Variants in THSD7A observed in about 807,000 individuals in gnomAD.
The protein encoded by THSD7A is thrombospondin type 1 domain containing 7A.
In THSD7A, 96 loss-of-function variants were observed where a neutral mutation model predicts 231.3. That is an observed-to-expected ratio of 0.41 (90% CI 0.35 to 0.49). The LOEUF is 0.49. THSD7A is among the 20% of genes least tolerant of loss of function. THSD7A has a pLI of 0.05. For synonymous variants in THSD7A, 940 were observed against 743.3 expected (o/e 1.26, Z -4.30); for missense variants, 2,290 against 2,070.2 (o/e 1.11, Z -2.06).
intron 23 of THSD7A, among the ~76,000 whole-genome samples, chr7:11,399,163 G>C (rs1783304192): frequency 6.6e-6 from 1 of 152,096 alleles, no homozygotes; most frequent in Admixed American, 6.6e-5. Flanking sequence ...CATAATTAAA[G>C]CCATTTAAAT....
intron 6 of THSD7A, among the ~76,000 whole-genome samples, chr7:11,515,522 TATATA>T (rs1176816008): frequency 3.9e-5 from 6 of 152,286 alleles, no homozygotes; most frequent in Admixed American, 3.3e-4. Flanking sequence ...ATGATCTATT[TATATA>T]ATATAAAAAT....
intron 13 of THSD7A, among the ~76,000 whole-genome samples, chr7:11,440,052 T>G (rs1015610266): frequency 6.6e-6 from 1 of 151,996 alleles, no homozygotes; most frequent in Non-Finnish European, 1.5e-5. Flanking sequence ...AGTTGGTGAC[T>G]TTAAGTTGAA....
At chr7:11,661,631 A>C (rs1413980947) in intron 1 of THSD7A, among the ~76,000 whole-genome samples, 1 of 151,310 alleles carries the variant, frequency 6.6e-6, no homozygotes, top group Non-Finnish European at 1.5e-5. Flanking sequence ...AAAAATATAC[A>C]GAATGATACA....
At chr7:11,575,907 T>A (rs1790880212) in intron 4 of THSD7A, among the ~76,000 whole-genome samples, 1 of 152,164 alleles carries the variant, frequency 6.6e-6, no homozygotes, top group Non-Finnish European at 1.5e-5. Flanking sequence ...TTCAACACAG[T>A]TACAGTGTCT....
chr7:11,738,657 T>G (rs1009167844), intron 1 of THSD7A, among the ~76,000 whole-genome samples: 1 of 151,938 alleles, frequency 6.6e-6, no homozygotes, highest in Admixed American at 6.6e-5. Flanking sequence ...CTATGATCTG[T>G]GATCACAAAG....
intron 4 of THSD7A, among the ~76,000 whole-genome samples, chr7:11,556,581 T>C (rs1483844027): frequency 6.6e-6 from 1 of 151,960 alleles, no homozygotes; most frequent in African/African-American, 2.4e-5. Context: ...CCTTTCCTGA[T>C]ATTCCAAGGT....
At chr7:11,419,813 A>T (rs1784084147) in intron 16 of THSD7A, among the ~76,000 whole-genome samples, 1 of 152,182 alleles carries the variant, frequency 6.6e-6, no homozygotes, top group Non-Finnish European at 1.5e-5. Context: ...TCTCAGATGG[A>T]GATGATGAGC....
At chr7:11,522,398 A>C (rs116578349) in intron 6 of THSD7A, among the ~76,000 whole-genome samples, 5,736 of 152,290 alleles carry the variant, frequency 0.038, 369 homozygotes, top group African/African-American at 0.13. Flanking sequence ...ATTTCATTGC[A>C]TTGATTTCCA....
chr7:11,584,089 T>C (rs1791287543), intron 4 of THSD7A, among the ~76,000 whole-genome samples: 1 of 152,148 alleles, frequency 6.6e-6, no homozygotes, highest in Admixed American at 6.5e-5. Flanking sequence ...TCATGCTCCT[T>C]ATTGGCTTCA....
chr7:11,724,308 C>T (rs988035206), intron 1 of THSD7A, among the ~76,000 whole-genome samples: 2 of 151,876 alleles, frequency 1.3e-5, no homozygotes, highest in Non-Finnish European at 2.9e-5. Context: ...AGTGCAAAGT[C>T]TTCCTGCAGC....
chr7:11,576,278 A>T (rs1424678230), intron 4 of THSD7A, among the ~76,000 whole-genome samples: 1 of 152,212 alleles, frequency 6.6e-6, no homozygotes, highest in African/African-American at 2.4e-5. Flanking sequence ...GGGACATAAT[A>T]TTCAAAATCA....
intron 1 of THSD7A, among the ~76,000 whole-genome samples, chr7:11,652,551 T>G (rs1782543622): frequency 6.6e-6 from 1 of 151,970 alleles, no homozygotes; most frequent in African/African-American, 2.4e-5. Flanking sequence ...AAACTAAATT[T>G]CCAACATGCG....
intron 9 of THSD7A, among the ~76,000 whole-genome samples, chr7:11,462,464 AATTT>A (rs974299856): frequency 1.3e-5 from 2 of 152,150 alleles, no homozygotes; most frequent in African/African-American, 4.8e-5. Flanking sequence ...AGATCTAATT[AATTT>A]ATTTTCCTCT....
At chr7:11,674,808 A>C (rs936133618) in intron 1 of THSD7A, among the ~76,000 whole-genome samples, 1 of 152,192 alleles carries the variant, frequency 6.6e-6, no homozygotes, top group Non-Finnish European at 1.5e-5. Flanking sequence ...AATGGATTCT[A>C]ACCAGATTGA....
chr7:11,395,796 G>A (rs1783163070), intron 23 of THSD7A, among the ~76,000 whole-genome samples: 1 of 152,070 alleles, frequency 6.6e-6, no homozygotes, highest in Non-Finnish European at 1.5e-5. Flanking sequence ...AAAGTGCTGG[G>A]ATTACAGGCA....
chr7:11,821,632 G>T (rs1302450336), intron 1 of THSD7A, among the ~76,000 whole-genome samples: 1 of 151,994 alleles, frequency 6.6e-6, no homozygotes, highest in Non-Finnish European at 1.5e-5. Flanking sequence ...AGTTTTATCA[G>T]TCTTGCATAG....
intron 23 of THSD7A, chr7:11,384,755 T>G (rs1782664791): frequency 6.6e-6 from 1 of 151,998 alleles, no homozygotes; most frequent in African/African-American, 2.4e-5. Context: ...AGTCTTGATA[T>G]AAAGCCATGT....
At chr7:11,652,566 G>C (rs969405323) in intron 1 of THSD7A, among the ~76,000 whole-genome samples, 1 of 151,710 alleles carries the variant, frequency 6.6e-6, no homozygotes, top group African/African-American at 2.4e-5. Flanking sequence ...CATGCGAATT[G>C]GTATGTATAT....
intron 1 of THSD7A, among the ~76,000 whole-genome samples, chr7:11,734,555 T>TA (rs1330941264): frequency 2.6e-5 from 4 of 151,968 alleles, no homozygotes; most frequent in Non-Finnish European, 5.9e-5. Context: ...AGCACCTCCA[T>TA]AATTAATTCT....
Sources: gnomAD v4.1 joint callset for allele counts (sites outside exome capture counted in the v4.1 genomes callset) on GRCh38, gnomAD v4.1.1 for gene constraint, MANE v1.5 for transcripts, NCBI Gene and HGNC (gene_info 2026-07-23, HGNC 2026-07-21) for gene names.